BCCIP: variants seen among roughly 807,000 people sequenced by gnomAD.
BCCIP encodes the protein BRCA2 and CDKN1A-interacting protein.
In BCCIP, 23 loss-of-function variants were observed where a neutral mutation model predicts 32.8. That is an observed-to-expected ratio of 0.70 (90% confidence interval 0.51 to 0.99). BCCIP has a LOEUF of 0.99. Ranked by LOEUF, BCCIP falls within the 50% of genes least tolerant of loss-of-function variation. The pLI, the probability that BCCIP is intolerant of heterozygous loss-of-function variation, is 0.00. For synonymous variants in BCCIP, 144 were observed against 137.6 expected (o/e 1.05, Z -0.33); for missense variants, 378 against 379.8 (o/e 1.00, Z 0.04).
intron 1 of BCCIP, among the ~76,000 whole-genome samples, chr10:125,824,006 C>T (rs977727385): frequency 1.3e-5 from 2 of 152,228 alleles, no homozygotes; most frequent in Non-Finnish European, 2.9e-5. Flanking sequence ...AGTTCTCAGG[C>T]TGAAGCCTCA....
chr10:125,839,010 G>A, downstream of BCCIP: 2 of 1,613,876 alleles, frequency 1.2e-6, no homozygotes, highest in South Asian at 2.2e-5. Context: ...CCTGCATAAA[G>A]TAACCGGACA....
At chr10:125,849,035 C>T (rs571394883) in intron 7 of BCCIP, among the ~76,000 whole-genome samples, 1 of 152,310 alleles carries the variant, frequency 6.6e-6, no homozygotes, top group South Asian at 2.1e-4. Flanking sequence ...GACCATCTAC[C>T]CCAGTTTACC....
chr10:125,846,123 G>A (rs1944014678), downstream of BCCIP, among the ~76,000 whole-genome samples: 1 of 152,162 alleles, frequency 6.6e-6, no homozygotes. Flanking sequence ...TATTCCTCAA[G>A]CGTAAGGGCA....
At chr10:125,825,141 C>G (rs556420380) in intron 1 of BCCIP, among the ~76,000 whole-genome samples, 1 of 152,218 alleles carries the variant, frequency 6.6e-6, no homozygotes, top group Non-Finnish European at 1.5e-5. Context: ...GGAAATCTAT[C>G]ACACCACCAC....
chr10:125,846,868 T>C (rs751115194), downstream of BCCIP, among the ~76,000 whole-genome samples: 23 of 152,158 alleles, frequency 1.5e-4, no homozygotes, highest in Non-Finnish European at 3.1e-4. Flanking sequence ...TCATAAAGCT[T>C]AGGGCAGAGA....
In BCCIP at chr10:125,827,507, T is replaced by C. The variant is rs369147839; in HGVS notation, c.241-51T>C. On this transcript the variant is annotated intron_variant, in intron 2 of 6. Coordinates refer to ENST00000278100, the MANE Select transcript of BCCIP (RefSeq NM_078468.3). Reference sequence around the variant, plus strand: ...TATTTGAATATAGGATTTGAAGTTATTAGAAATCATGCTTTGATCTTAATT... The same window carrying C: ...TATTTGAATATAGGATTTGAAGTTACTAGAAATCATGCTTTGATCTTAATT... The C allele has an allele frequency of 2.3e-5, 28 of 1,238,472 alleles. No homozygotes were observed. The African/African-American group carries it at 3.8e-4, about 17-fold the overall frequency. The allele number at this position is 1,238,472 out of a possible 1,614,324, so 76.7% of individuals were successfully genotyped here. A position where few individuals can be genotyped will look rare whatever the true frequency, so the allele number is the denominator to read the frequency against.
intron 6 of BCCIP, among the ~76,000 whole-genome samples, chr10:125,835,154 TGTATC>T (rs1391288126): frequency 1.3e-5 from 2 of 150,680 alleles, no homozygotes; most frequent in African/African-American, 4.9e-5. Context: ...AATCTTGAAG[TGTATC>T]TCTGAGGGGA....
At chr10:125,850,717 T>C (rs1944080204) in intron 7 of BCCIP, among the ~76,000 whole-genome samples, 1 of 152,228 alleles carries the variant, frequency 6.6e-6, no homozygotes, top group South Asian at 2.1e-4. Flanking sequence ...TAACGTGCCA[T>C]GCCTGTTTGT....
intron 4 of BCCIP, 114 bp from the exon 5 acceptor site, chr10:125,831,306 T>A: frequency 1.0e-6 from 1 of 972,028 alleles, no homozygotes. Flanking sequence ...ACGTTAAGGC[T>A]ATGGCAGGAA....
rs1162950973 is a variant in BCCIP at position 125,823,552 on chromosome 10, G to A, written c.-6G>A. The A allele has an allele frequency of 2.5e-6, 4 of 1,613,240 alleles. No individual in the cohort carries two copies. The highest frequency in any genetic ancestry group is 1.7e-5 in the Admixed American group (1 of 60,002). On this transcript the variant is annotated 5_prime_UTR_variant, in exon 1 of 7. Transcript: ENST00000278100. ...GAAGCTGCGCAGGCGCAGTGTGAGCGGCAACATGGCGTCCAGGTCTAAGCG... is the reference window on the plus strand; with the variant it reads ...GAAGCTGCGCAGGCGCAGTGTGAGCAGCAACATGGCGTCCAGGTCTAAGCG...
chr10:125,829,214 C>G (rs1854471325), intron 3 of BCCIP, among the ~76,000 whole-genome samples: 2 of 152,158 alleles, frequency 1.3e-5, no homozygotes, highest in Non-Finnish European at 2.9e-5. Flanking sequence ...ATTTCTGTCT[C>G]TGAAAATGAG....
chr10:125,838,197 T>G, downstream of BCCIP: 1 of 1,572,644 alleles, frequency 6.4e-7, no homozygotes, highest in Middle Eastern at 1.7e-4. Context: ...TCTTCTCCAT[T>G]AAACTTACAG....
At chr10:125,835,465 G>A (rs1854649062) in intron 6 of BCCIP, among the ~76,000 whole-genome samples, 2 of 151,700 alleles carry the variant, frequency 1.3e-5, no homozygotes, top group South Asian at 4.2e-4. Flanking sequence ...GGTAGTCCCA[G>A]CTACTTGGGA....
chr10:125,838,715 T>C (rs1224217720), downstream of BCCIP, among the ~76,000 whole-genome samples: 1 of 152,192 alleles, frequency 6.6e-6, no homozygotes, highest in Non-Finnish European at 1.5e-5. Context: ...CCAAGTGCTT[T>C]ACACTTGGTG....
At chr10:125,848,283 T>C (rs1944049511) in intron 7 of BCCIP, among the ~76,000 whole-genome samples, 1 of 152,194 alleles carries the variant, frequency 6.6e-6, no homozygotes, top group African/African-American at 2.4e-5. Flanking sequence ...CTGCTTCACT[T>C]AATTTCACAG....
At chr10:125,836,787 T>C (rs372661896), downstream of BCCIP, 2 of 1,614,164 alleles carry the variant, frequency 1.2e-6, no homozygotes, top group South Asian at 2.2e-5. Flanking sequence ...CACTACTTGC[T>C]GTAGAATGTC....
intron 4 of BCCIP, among the ~76,000 whole-genome samples, chr10:125,830,965 C>T (rs747571973): frequency 6.6e-6 from 1 of 152,190 alleles, no homozygotes; most frequent in African/African-American, 2.4e-5. Flanking sequence ...TGGGGATATT[C>T]TCAGGCTTTG....
At position 125,826,593 on chromosome 10, in the gene BCCIP, A is replaced by C; in HGVS notation, c.168A>C (p.Glu56Asp). Reference sequence around the variant, plus strand: ...ACTATTTTGTGTGTTATTTACAGGAAGTGAATATTGAATTTGAAGCTTATT... The same window carrying C: ...ACTATTTTGTGTGTTATTTACAGGACGTGAATATTGAATTTGAAGCTTATT... ...KDEEDEVIDE[E>D]VNIEFEAYSL... Residue 56 changes from glutamate to aspartate, a missense_variant and splice_region_variant, in exon 2 of 7, where the codon GAA (glutamate) becomes GAC (aspartate). By Grantham distance (45) the Glu-to-Asp change is conservative. Transcript: ENST00000278100. 6.2e-7 allele frequency: 1 copy of C among 1,613,518 alleles called. No homozygotes were observed. The highest frequency in any genetic ancestry group is 8.5e-7 in the Non-Finnish European group (1 of 1,179,724).
chr10:125,828,732 A>C (rs1318585976), intron 3 of BCCIP, among the ~76,000 whole-genome samples: 2 of 152,180 alleles, frequency 1.3e-5, no homozygotes, highest in Non-Finnish European at 2.9e-5. Flanking sequence ...AAATAGCAGT[A>C]GTCATTTATT....
Sources: gnomAD v4.1 joint callset for allele counts (sites outside exome capture counted in the v4.1 genomes callset) on GRCh38, gnomAD v4.1.1 for gene constraint, MANE v1.5 for transcripts, NCBI Gene and HGNC (gene_info 2026-07-23, HGNC 2026-07-21) for gene names.